CARS1: variants seen among roughly 807,000 people sequenced by gnomAD.
CARS1 encodes the protein cysteine--tRNA ligase, cytoplasmic.
Under a neutral mutation model 106.2 loss-of-function variants are expected in CARS1, and 48 were observed. The observed-to-expected ratio is 0.45, with a 90% CI of 0.36 to 0.57. The LOEUF (loss-of-function observed/expected upper bound fraction) is 0.57. Among genes scored for constraint, CARS1 ranks in the 20% least tolerant of loss-of-function variants. The pLI is 0.00. For missense variants in CARS1, 968 were observed against 1,057.2 expected, an observed-to-expected ratio of 0.92 and a Z score of 1.17; for synonymous variants, 409 against 403.4, an observed-to-expected ratio of 1.01 and a Z score of -0.17.
rs200169017 is a variant in CARS1 at position 3,017,944 on chromosome 11, A to G, written c.1640T>C (p.Leu547Ser). The change falls in exon 15 of 23, where the codon TTA becomes TCA. Residue 547 changes from leucine to serine, a missense_variant. Transcript: ENST00000380525. The surrounding 1 kb of genome is among the most constrained non-coding windows in gnomAD (Gnocchi z 4.9). ...AGCGCGAAGGATATCTTTCACATTT[A>G]AGAAAAACTCCTGAAGTTAGAAAAA... ...QYEKFLNEFF[L>S]NVKDILRAPV... The G allele has an allele frequency of 6.2e-7, 1 of 1,612,108 alleles. No individual in the cohort carries two copies. The highest frequency in any genetic ancestry group is 2.2e-5 in the East Asian group (1 of 44,886).
At chr11:3,001,645 G>A (rs1278464215) in intron 22 of CARS1, among the ~76,000 whole-genome samples, 1 of 152,210 alleles carries the variant, frequency 6.6e-6, no homozygotes, top group East Asian at 1.9e-4. Context: ...CTGGGGGTAG[G>A]AGGCCTATCT....
In CARS1 at chr11:3,037,666, A is replaced by G. The variant is rs1427858439; in HGVS notation, c.801+384T>C. ...CCCACAGGCCTCAATGCTCAATTCAATGTTAATCCCTGCTCCTCCTTCTCC... is the reference window on the plus strand; with the variant it reads ...CCCACAGGCCTCAATGCTCAATTCAGTGTTAATCCCTGCTCCTCCTTCTCC... On this transcript the variant is annotated intron_variant, in intron 7 of 22. Coordinates refer to ENST00000380525, the MANE Select transcript of CARS1 (RefSeq NM_001014437.3). This position sits in a 1 kb window ranked among gnomAD's most constrained non-coding sequence, Gnocchi z 5.9. 1.3e-5 allele frequency among the ~76,000 whole-genome samples: 2 copies of G among 152,156 alleles called. No homozygotes were observed. The highest frequency in any genetic ancestry group is 2.4e-5 in the African/African-American group (1 of 41,436).
In CARS1 at chr11:3,034,700, T is replaced by A. The variant is rs747973261; in HGVS notation, c.801+3350A>T. On this transcript the variant is annotated intron_variant, in intron 7 of 22. Transcript: ENST00000380525. The surrounding 1 kb of genome is among the most constrained non-coding windows in gnomAD (Gnocchi z 6.3). ...ACACGCCACAACACCCAGCTAATTT[T>A]TTTTTTTTTATTTTTAGTAGAGACG... is the stretch of plus-strand genomic sequence containing the variant. Among the ~76,000 whole-genome samples the A allele has an allele frequency of 1.8e-4, 27 of 151,912 alleles. No homozygotes were observed. Among genetic ancestry groups the A allele is most frequent in the Admixed American group, 3.3e-4 (5 of 15,274 alleles).
rs948919023 is a variant in CARS1 at position 3,034,149 on chromosome 11, A to G, written c.801+3901T>C. On this transcript the variant is annotated intron_variant, in intron 7 of 22. Coordinates refer to ENST00000380525, the MANE Select transcript of CARS1 (RefSeq NM_001014437.3). The surrounding 1 kb of genome is among the most constrained non-coding windows in gnomAD (Gnocchi z 6.3). ...AAACACATGCCAACATGTAACAGAG[A>G]TGAATTCGTGTCTTAGTCTGTTTTC... Among the ~76,000 whole-genome samples the G allele has an allele frequency of 1.3e-5, 2 of 152,074 alleles. No homozygotes were observed. Among genetic ancestry groups the G allele is most frequent in the Admixed American group, 1.3e-4 (2 of 15,266 alleles).
Position 3,007,093 on chromosome 11 carries a change from G to A in CARS1, c.2069-134C>T, listed in dbSNP as rs1423516505. The A allele has an allele frequency of 1.2e-5, 9 of 739,050 alleles. No homozygotes were observed. The Admixed American group carries it at 2.0e-4, about 16-fold the overall frequency. The allele number at this position is 739,050 out of a possible 1,614,324, so 45.8% of individuals were successfully genotyped here. On this transcript the variant is annotated intron_variant, in intron 18 of 22. Transcript: ENST00000380525. ...GCCTCCTCCAGTGCTCAGGAGGGAG[G>A]GGCCCCGGCCCACAGAACGAGTACC...
At position 3,043,720 on chromosome 11, in the gene CARS1, T is replaced by G. The variant is rs1040599373; in HGVS notation, c.275-1464A>C. On this transcript the variant is annotated intron_variant, in intron 2 of 22. Transcript: ENST00000380525. The surrounding 1 kb of genome is among the most constrained non-coding windows in gnomAD (Gnocchi z 4.0). ...TTGGTCCTGGGCACCAGCCATCTCT[T>G]GGCCTCCCGGCTCTAGCTCAGGCCA... 6.6e-6 allele frequency among the ~76,000 whole-genome samples: 1 copy of G among 152,052 alleles called. No individual in the cohort carries two copies. Among genetic ancestry groups the G allele is most frequent in the African/African-American group, 2.4e-5 (1 of 41,408 alleles).
At chr11:3,002,698 C>G (rs1329249267) in intron 20 of CARS1, 98 bp from the exon 21 acceptor site, 14 of 1,573,098 alleles carry the variant, frequency 8.9e-6, no homozygotes, top group Non-Finnish European at 1.2e-5. Context: ...TCTCCTAGGG[C>G]CTGGCATGGA....
At position 3,041,461 on chromosome 11, in the gene CARS1, G is replaced by A. The variant is rs1330433913; in HGVS notation, c.367-477C>T. On this transcript the variant is annotated intron_variant, in intron 3 of 22. Coordinates refer to ENST00000380525, the MANE Select transcript of CARS1 (RefSeq NM_001014437.3). The surrounding 1 kb of genome is among the most constrained non-coding windows in gnomAD (Gnocchi z 4.9). ...AGTCCCTGTTGGGGGAGCGCGGCTT[G>A]GAGGCCAGGACCCCTGAATCGTGGT... is the stretch of plus-strand genomic sequence containing the variant. Among the ~76,000 whole-genome samples the A allele has an allele frequency of 1.3e-5, 2 of 152,104 alleles. No individual in the cohort carries two copies. The highest frequency in any genetic ancestry group is 4.8e-5 in the African/African-American group (2 of 41,408).
Position 3,034,189 on chromosome 11 carries a change from TTTG to T in CARS1, c.801+3858_801+3860del, listed in dbSNP as rs1853268967. ...AGTCTGTTTTCTGTTTTTTTGTTTG[TTTG>T]TTCTTTTTTTTGTTTTCTGTTTTTT... On this transcript the variant is annotated intron_variant, in intron 7 of 22. Coordinates refer to ENST00000380525, the MANE Select transcript of CARS1 (RefSeq NM_001014437.3). The surrounding 1 kb of genome is among the most constrained non-coding windows in gnomAD (Gnocchi z 6.3). Among the ~76,000 whole-genome samples, 1 of 151,590 alleles carries T rather than the reference TTTG, an allele frequency of 6.6e-6. No individual in the cohort carries two copies. Among genetic ancestry groups the T allele is most frequent in the South Asian group, 2.1e-4 (1 of 4,774 alleles).
intron 7 of CARS1, among the ~76,000 whole-genome samples, chr11:3,032,575 T>C (rs1332321293): frequency 3.3e-5 from 5 of 152,096 alleles, no homozygotes; most frequent in Admixed American, 6.6e-5. Context: ...AGAGGTGGGC[T>C]GGGTGAGGAA....
chr11:3,054,990 C>G (rs973105322), intron 1 of CARS1: 1 of 702,550 alleles, frequency 1.4e-6, no homozygotes, highest in South Asian at 1.5e-5. Flanking sequence ...AATAATCAGG[C>G]TCTTGGACAG....
chr11:3,017,888 A>G lies in CARS1; in HGVS notation c.1696T>C (p.Trp566Arg), dbSNP rs144307373. 125 of 1,613,464 alleles carry G rather than the reference A, an allele frequency of 7.7e-5. 1 individual carries two copies. Among genetic ancestry groups the G allele is most frequent in the Non-Finnish European group, 9.7e-5 (115 of 1,179,558 alleles). ...PVDITGQFEK[W>R]GEEEAELNKN... ...TTCAGTTCTGCTTCTTCTTCTCCCCACTTCTCAAACTGACCAGTGATGTCA... is the reference window on the plus strand; with the variant it reads ...TTCAGTTCTGCTTCTTCTTCTCCCCGCTTCTCAAACTGACCAGTGATGTCA... The change falls in exon 15 of 23, where the codon TGG becomes CGG. Residue 566 changes from tryptophan (W) to arginine (R), a missense_variant. Physicochemically the swap from Trp to Arg is moderately radical, Grantham distance 101. Transcript: ENST00000380525. The surrounding 1 kb of genome is among the most constrained non-coding windows in gnomAD (Gnocchi z 4.9).
chr11:3,024,170 C>T (rs561420249), intron 10 of CARS1, among the ~76,000 whole-genome samples: 3 of 152,204 alleles, frequency 2.0e-5, no homozygotes, highest in Non-Finnish European at 4.4e-5. Context: ...GGATTACAGG[C>T]GTGAGCCACT....
rs1171156725 is a variant in CARS1 at position 3,041,716 on chromosome 11, T to C, written c.366+449A>G. On this transcript the variant is annotated intron_variant, in intron 3 of 22. Transcript: ENST00000380525. This position sits in a 1 kb window ranked among gnomAD's most constrained non-coding sequence, Gnocchi z 4.9. Reference sequence around the variant, plus strand: ...GCAAACCATGCAAACCCCATTCTGTTAGGAACCAATCCTGCCTTCTTCTCA... The same window carrying C: ...GCAAACCATGCAAACCCCATTCTGTCAGGAACCAATCCTGCCTTCTTCTCA... Among the ~76,000 whole-genome samples the C allele has an allele frequency of 1.3e-5, 2 of 152,202 alleles. No homozygotes were observed. The highest frequency in any genetic ancestry group is 2.9e-5 in the Non-Finnish European group (2 of 68,034).
At chr11:3,032,876 T>C (rs1488622979) in intron 7 of CARS1, among the ~76,000 whole-genome samples, 2 of 149,630 alleles carry the variant, frequency 1.3e-5, no homozygotes, top group African/African-American at 4.9e-5. Context: ...ATCCTGAGAG[T>C]GAACCCTAAA....
At position 3,028,338 on chromosome 11, in the gene CARS1, C is replaced by T; in HGVS notation, c.1031+658G>A. 1 of 490,286 alleles carries T rather than the reference C, an allele frequency of 2.0e-6. No homozygotes were observed. The highest frequency in any genetic ancestry group is 3.6e-6 in the Non-Finnish European group (1 of 274,270). The allele number at this position is 490,286 out of a possible 1,614,324, so 30.4% of individuals were successfully genotyped here. A position where few individuals can be genotyped will look rare whatever the true frequency, so the allele number is the denominator to read the frequency against. On this transcript the variant is annotated intron_variant, in intron 9 of 22. Coordinates refer to ENST00000380525, the MANE Select transcript of CARS1 (RefSeq NM_001014437.3). This position sits in a 1 kb window ranked among gnomAD's most constrained non-coding sequence, Gnocchi z 4.4. ...TCCGCGTCTTGGTGGTAGTGGTCCC[C>T]CGGGCCCAGCTGTCTTCTCTTTTAT...
rs1486880924 is a variant in CARS1 at position 3,002,569 on chromosome 11, T to G, written c.2249A>C (p.Glu750Ala). ...TTGTTCCTGTTTCCTCCGGGCCGCC[T>G]CCTCTTTCTTCTTCCTCTTCTCCTC... ...VEEEKRKKKE[E>A]AARRKQEQEA... The change falls in exon 21 of 23, where the codon GAG becomes GCG. Residue 750 changes from glutamate to alanine, a missense_variant. Coordinates refer to ENST00000380525, the MANE Select transcript of CARS1 (RefSeq NM_001014437.3). The G allele has an allele frequency of 9.3e-6, 15 of 1,614,048 alleles. No homozygotes were observed. The highest frequency in any genetic ancestry group is 2.2e-5 in the East Asian group (1 of 44,880).
chr11:3,015,904 G>C, intron 16 of CARS1, 55 bp from the exon 17 acceptor site: 1 of 1,454,592 alleles, frequency 6.9e-7, no homozygotes, highest in East Asian at 2.3e-5. Flanking sequence ...GGCGGCATGT[G>C]GCGAGCAGCT....
Position 3,043,170 on chromosome 11 carries a change from G to A in CARS1, c.275-914C>T, listed in dbSNP as rs1048525392. Among the ~76,000 whole-genome samples, 3 of 151,980 alleles carry A rather than the reference G, an allele frequency of 2.0e-5. No homozygotes were observed. Among genetic ancestry groups the A allele is most frequent in the Admixed American group, 2.0e-4 (3 of 15,258 alleles). ...GCCTGTGGGCCGCCTGGGCTGCTCT[G>A]AGCACACTGCTTCCAGGCCTGGCTT... On this transcript the variant is annotated intron_variant, in intron 2 of 22. Transcript: ENST00000380525. The surrounding 1 kb of genome is among the most constrained non-coding windows in gnomAD (Gnocchi z 4.0).
Sources: gnomAD v4.1 joint callset for allele counts (sites outside exome capture counted in the v4.1 genomes callset) on GRCh38, gnomAD v4.1.1 for gene constraint, Gnocchi (gnomAD v3.1) non-coding constraint, MANE v1.5 for transcripts, NCBI Gene and HGNC (gene_info 2026-07-23, HGNC 2026-07-21) for gene names.